The following ZNF385D variants were observed in gnomAD, a reference collection of about 807,000 sequenced individuals.
ZNF385D encodes zinc finger protein 385D, also known as zinc finger protein 659.
ZNF385D carries 15 observed loss-of-function variants against 35.8 expected under a neutral mutation model. The observed-to-expected ratio is 0.42, with a 90% confidence interval of 0.28 to 0.64. The LOEUF (loss-of-function observed/expected upper bound fraction) is 0.64, where lower values mean the gene tolerates loss of function less well. Ranked by LOEUF, ZNF385D falls within the 30% of genes least tolerant of loss-of-function variation. The probability of loss-of-function intolerance (pLI) is 0.23; values close to 1 mark genes in which losing one functional copy is unlikely to be tolerated. For synonymous variants in ZNF385D, 212 were observed against 186.8 expected, an observed-to-expected ratio of 1.13 and a Z score of -1.10; for missense variants, 474 against 494.6, an observed-to-expected ratio of 0.96 and a Z score of 0.39.
intron 2 of ZNF385D, among the ~76,000 whole-genome samples, chr3:22,320,353 A>G (rs1230740447): frequency 6.6e-6 from 1 of 152,114 alleles, no homozygotes; most frequent in East Asian, 1.9e-4. Context: ...TTCAGTCATT[A>G]TGAATGCAAT....
At chr3:21,765,970 GC>G (rs1296521139) in intron 3 of ZNF385D, among the ~76,000 whole-genome samples, 7 of 152,044 alleles carry the variant, frequency 4.6e-5, no homozygotes, top group African/African-American at 1.7e-4. Flanking sequence ...ACTAGTAAGA[GC>G]CATGGTCAAG....
At chr3:22,194,669 ACCCTTTTT>A (rs1696286722) in intron 2 of ZNF385D, among the ~76,000 whole-genome samples, 2 of 151,812 alleles carry the variant, frequency 1.3e-5, no homozygotes, top group African/African-American at 4.8e-5. Context: ...TTGTAGGCAT[ACCCTTTTT>A]ACACCTGGCA....
At chr3:21,731,949 T>G (rs1203191092) in intron 1 of ZNF385D, among the ~76,000 whole-genome samples, 1 of 150,754 alleles carries the variant, frequency 6.6e-6, no homozygotes, top group Non-Finnish European at 1.5e-5. Flanking sequence ...TCCATTTATC[T>G]ACTGAAGAGC....
intron 3 of ZNF385D, among the ~76,000 whole-genome samples, chr3:22,139,975 A>C (rs540992420): frequency 6.2e-4 from 95 of 152,342 alleles, no homozygotes; most frequent in African/African-American, 2.1e-3. Context: ...TGATGAGGAT[A>C]TAGAGAATCT....
At chr3:22,090,387 C>A (rs887131948) in intron 3 of ZNF385D, among the ~76,000 whole-genome samples, 1 of 152,070 alleles carries the variant, frequency 6.6e-6, no homozygotes, top group African/African-American at 2.4e-5. Context: ...AAAGTGCCAA[C>A]TGAAGCCAGT....
chr3:21,628,316 C>G (rs2065189771), intron 2 of ZNF385D, among the ~76,000 whole-genome samples: 2 of 152,190 alleles, frequency 1.3e-5, no homozygotes, highest in South Asian at 4.1e-4. Context: ...AGGCAAGTAG[C>G]ATTAACTGAG....
At chr3:21,651,533 T>C (rs983908689) in intron 2 of ZNF385D, among the ~76,000 whole-genome samples, 3 of 151,942 alleles carry the variant, frequency 2.0e-5, no homozygotes, top group Non-Finnish European at 4.4e-5. Flanking sequence ...CTTTCTCTTT[T>C]TTTTTTTCTT....
intron 2 of ZNF385D, among the ~76,000 whole-genome samples, chr3:22,325,346 G>C (rs2125451195): frequency 6.6e-6 from 1 of 152,258 alleles, no homozygotes; most frequent in African/African-American, 2.4e-5. Context: ...AGAAGGGGCA[G>C]GTGGTACAAA....
At chr3:22,207,046 T>C (rs1697205064) in intron 2 of ZNF385D, among the ~76,000 whole-genome samples, 1 of 151,580 alleles carries the variant, frequency 6.6e-6, no homozygotes, top group Non-Finnish European at 1.5e-5. Context: ...AAGAGCCAAA[T>C]AAATAAAATC....
intron 2 of ZNF385D, among the ~76,000 whole-genome samples, chr3:22,362,907 A>C (rs893895322): frequency 7.2e-5 from 11 of 152,088 alleles, no homozygotes; most frequent in African/African-American, 2.4e-4. Context: ...ACTTTGTTCA[A>C]GGCACTGACA....
At chr3:22,273,054 G>C (rs1434582078) in intron 2 of ZNF385D, among the ~76,000 whole-genome samples, 4 of 151,470 alleles carry the variant, frequency 2.6e-5, no homozygotes, top group African/African-American at 4.9e-5. Flanking sequence ...ATTTTAAAAA[G>C]CCAAGGAAAG....
chr3:21,767,910 C>T (rs532812565), intron 3 of ZNF385D, among the ~76,000 whole-genome samples: 1 of 151,920 alleles, frequency 6.6e-6, no homozygotes, highest in African/African-American at 2.4e-5. Flanking sequence ...ATAGCATATC[C>T]AAATGATGTA....
chr3:22,369,529 A>T lies in ZNF385D; in HGVS notation c.106+2921T>A, dbSNP rs532455228. ...ATTATGAGACATGTAGATTTATTGG[A>T]AACAGTAAGATATCATGCAAATACA... On this transcript the variant is annotated intron_variant, in intron 2 of 5. Transcript: ENST00000494108. 5.3e-5 allele frequency among the ~76,000 whole-genome samples: 8 copies of T among 152,308 alleles called. No individual in the cohort carries two copies. The South Asian group carries it at 1.7e-3, about 32-fold the overall frequency.
intron 3 of ZNF385D, among the ~76,000 whole-genome samples, chr3:22,097,922 T>A (rs1016521046): frequency 7.2e-5 from 11 of 152,136 alleles, no homozygotes; most frequent in South Asian, 4.1e-4. Flanking sequence ...GACAGTGGCA[T>A]TGTCATTTAC....
At chr3:22,036,808 C>T (rs903631661) in intron 3 of ZNF385D, among the ~76,000 whole-genome samples, 2 of 149,864 alleles carry the variant, frequency 1.3e-5, no homozygotes, top group Non-Finnish European at 3.0e-5. Context: ...GTGTGCTGTA[C>T]CCATTAACTC....
At chr3:21,849,284 A>T (rs564824167) in intron 3 of ZNF385D, among the ~76,000 whole-genome samples, 14 of 151,924 alleles carry the variant, frequency 9.2e-5, no homozygotes, top group Non-Finnish European at 1.9e-4. Flanking sequence ...CACTTCTTAT[A>T]TGGTAAGAAA....
intron 1 of ZNF385D, among the ~76,000 whole-genome samples, chr3:21,734,146 T>C (rs909740796): frequency 2.0e-5 from 3 of 152,182 alleles, no homozygotes; most frequent in Non-Finnish European, 4.4e-5. Flanking sequence ...GCATTATGCT[T>C]ATACATTAAC....
intron 3 of ZNF385D, among the ~76,000 whole-genome samples, chr3:21,913,519 A>G (rs1389412657): frequency 6.6e-6 from 1 of 152,120 alleles, no homozygotes; most frequent in Non-Finnish European, 1.5e-5. Flanking sequence ...GTTGGCATTT[A>G]ATATTCCAAT....
At chr3:22,214,575 G>C (rs1443669462) in intron 2 of ZNF385D, among the ~76,000 whole-genome samples, 1 of 151,962 alleles carries the variant, frequency 6.6e-6, no homozygotes, top group Non-Finnish European at 1.5e-5. Flanking sequence ...CCTGAGAAAG[G>C]GAATGCGTCC....
Sources: gnomAD v4.1 joint callset for allele counts (sites outside exome capture counted in the v4.1 genomes callset) on GRCh38, gnomAD v4.1.1 for gene constraint, MANE v1.5 for transcripts, NCBI Gene and HGNC (gene_info 2026-07-23, HGNC 2026-07-21) for gene names.